ENG: variants seen among roughly 807,000 people sequenced by gnomAD.
The protein encoded by ENG is endoglin.
ENG carries 17 observed loss-of-function variants against 71.0 expected under a neutral mutation model. That is an observed-to-expected ratio of 0.24 (90% CI 0.16 to 0.36). The LOEUF is 0.36. ENG is among the 10% of genes least tolerant of loss of function. The pLI, the probability that ENG is intolerant of heterozygous loss-of-function variation, is 1.00. For synonymous variants in ENG, 360 were observed against 366.9 expected, an observed-to-expected ratio of 0.98 and a Z score of 0.21; for missense variants, 749 against 868.3, an observed-to-expected ratio of 0.86 and a Z score of 1.73.
Position 127,815,311 on chromosome 9 carries a change from CCTGGCTGGG to C in ENG, c.*362_*370del. 4.3e-6 allele frequency: 1 copy of C among 231,678 alleles called. No individual in the cohort carries two copies. The highest frequency in any genetic ancestry group is 8.5e-6 in the Non-Finnish European group (1 of 118,086). 14.4% of individuals were successfully genotyped at this position (231,678 alleles called of 1,614,324 possible). On this transcript the variant is annotated 3_prime_UTR_variant, in exon 15 of 15. Transcript: ENST00000373203. ...CTTCCCAGCGGGGAGGTGCTGTTGG[CCTGGCTGGG>C]CTGGCCTGAATCTGTTTCAAGTTCT...
chr9:127,854,104 C>A (rs550349956), intron 1 of ENG, among the ~76,000 whole-genome samples, 185 bp downstream of exon 1: 41 of 152,218 alleles, frequency 2.7e-4, no homozygotes, highest in Non-Finnish European at 7.3e-5. Flanking sequence ...GGCTTTCTTT[C>A]AACACTGAAA....
intron 1 of ENG, among the ~76,000 whole-genome samples, chr9:127,853,312 CCA>C (rs1425584576): frequency 1.3e-5 from 2 of 152,122 alleles, no homozygotes; most frequent in Non-Finnish European, 2.9e-5. Flanking sequence ...CCCTTCCTCC[CCA>C]CACTCTCAGC....
At position 127,841,464 on chromosome 9, in the gene ENG, C is replaced by T. The variant is rs1017309730; in HGVS notation, c.219+1630G>A. On this transcript the variant is annotated intron_variant, in intron 2 of 14. Coordinates refer to ENST00000373203, the MANE Select transcript of ENG (RefSeq NM_001114753.3). ...AACAATGCGAACTAACAGAGGCAGT[C>T]GTATTTTGAATATCATTACCAAATT... Among the ~76,000 whole-genome samples, 11 of 151,608 alleles carry T rather than the reference C, an allele frequency of 7.3e-5. No homozygotes were observed. In the East Asian group the frequency reaches 2.1e-3, roughly 29 times the overall value.
intron 2 of ENG, among the ~76,000 whole-genome samples, chr9:127,834,249 A>G (rs1331781155): frequency 7.6e-6 from 1 of 131,282 alleles, no homozygotes; most frequent in African/African-American, 2.9e-5. Context: ...ATTTTTGTAT[A>G]TATATATTTT....
chr9:127,831,572 G>C (rs187756718), intron 2 of ENG, among the ~76,000 whole-genome samples: 9 of 151,670 alleles, frequency 5.9e-5, no homozygotes, highest in Admixed American at 2.6e-4. Context: ...ATTTTTAGTA[G>C]AGACGGGGTT....
intron 2 of ENG, among the ~76,000 whole-genome samples, chr9:127,835,820 AG>A (rs1178395929): frequency 6.6e-6 from 1 of 152,144 alleles, no homozygotes; most frequent in Admixed American, 6.5e-5. Flanking sequence ...GCTGTCTGTG[AG>A]GGGTGACGAG....
chr9:127,845,860 C>A (rs905587083), intron 1 of ENG, among the ~76,000 whole-genome samples: 1 of 152,134 alleles, frequency 6.6e-6, no homozygotes, highest in African/African-American at 2.4e-5. Context: ...TTGTGCGCCA[C>A]CACGCCTGGC....
In ENG at chr9:127,815,809, G is replaced by A; in HGVS notation, c.1853-3C>T. ...GGGCTCCCGCTTGCTGGGGGAACCTGGGAGCGGGAGCGGGGGCAGGGGCGG... is the reference window on the plus strand; with the variant it reads ...GGGCTCCCGCTTGCTGGGGGAACCTAGGAGCGGGAGCGGGGGCAGGGGCGG... On this transcript the variant is annotated splice_region_variant and splice_polypyrimidine_tract_variant and intron_variant, in intron 14 of 14. Coordinates refer to ENST00000373203, the MANE Select transcript of ENG (RefSeq NM_001114753.3). 2 of 1,546,202 alleles carry A rather than the reference G, an allele frequency of 1.3e-6. No homozygotes were observed. Among genetic ancestry groups the A allele is most frequent in the Non-Finnish European group, 1.7e-6 (2 of 1,146,268 alleles).
intron 11 of ENG, 145 bp downstream of exon 11, chr9:127,818,569 TTC>T: frequency 1.5e-6 from 2 of 1,367,598 alleles, no homozygotes; most frequent in Non-Finnish European, 2.1e-6. Flanking sequence ...GAGCAATGCC[TTC>T]TCTGTCTCTC....
intron 8 of ENG, 106 bp downstream of exon 8, chr9:127,824,198 G>T (rs778191568): frequency 1.3e-6 from 2 of 1,517,426 alleles, no homozygotes; most frequent in Non-Finnish European, 1.8e-6. Context: ...CTTGCAGAGG[G>T]ACGTGACTTG....
intron 8 of ENG, among the ~76,000 whole-genome samples, chr9:127,823,600 G>A (rs950326129): frequency 2.6e-5 from 4 of 151,266 alleles, no homozygotes; most frequent in African/African-American, 9.7e-5. Flanking sequence ...GTGTTAGCCA[G>A]GATGGTCTCG....
intron 2 of ENG, among the ~76,000 whole-genome samples, chr9:127,833,776 G>A (rs988614028): frequency 5.3e-5 from 8 of 152,256 alleles, no homozygotes; most frequent in Admixed American, 2.0e-4. Flanking sequence ...CCCAACTGAC[G>A]TCACAAAGCC....
At chr9:127,852,542 G>A (rs991008938) in intron 1 of ENG, among the ~76,000 whole-genome samples, 3 of 152,162 alleles carry the variant, frequency 2.0e-5, no homozygotes, top group Admixed American at 6.5e-5. Flanking sequence ...AGACGGATAC[G>A]TTTCCAGGAG....
At chr9:127,817,020 C>G in intron 13 of ENG, 129 bp downstream of exon 13, 2 of 1,074,502 alleles carry the variant, frequency 1.9e-6, no homozygotes, top group Non-Finnish European at 2.8e-6. Context: ...CCTGCCCCTT[C>G]TGGGCCGCTT....
At chr9:127,823,862 G>C (rs1830534367) in intron 8 of ENG, among the ~76,000 whole-genome samples, 1 of 151,228 alleles carries the variant, frequency 6.6e-6, no homozygotes, top group Non-Finnish European at 1.5e-5. Context: ...TTGTATTTTA[G>C]TAAAGACAGG....
Position 127,818,238 on chromosome 9 carries a change from C to T in ENG, c.1568G>A (p.Ser523Asn), listed in dbSNP as rs766445175. 1.2e-6 allele frequency: 2 copies of T among 1,614,202 alleles called. No homozygotes were observed. The highest frequency in any genetic ancestry group is 1.7e-6 in the Non-Finnish European group (2 of 1,180,028). The change falls in exon 12 of 15, where the codon AGC becomes AAC. Residue 523 changes from serine to asparagine, a missense_variant. Transcript: ENST00000373203. ...GCTGAAGCGCGGGTCACCCTCGGGG[C>T]TTGGGGACAGCAGGCTCACACAGTT... is the stretch of plus-strand genomic sequence containing the variant. Reference protein sequence around the residue: ...KGNCVSLLSPSPEGDPRFSFL... With the variant: ...KGNCVSLLSPNPEGDPRFSFL...
At position 127,820,689 on chromosome 9, in the gene ENG, C is replaced by T. The variant is rs575840910; in HGVS notation, c.1135-652G>A. On this transcript the variant is annotated intron_variant, in intron 8 of 14. Transcript: ENST00000373203. ...TAAAAATACAAAAAAATTAGCCGGG[C>T]GTGGTGGCGGGCTCCCGTAGTCCCA... Among the ~76,000 whole-genome samples the T allele has an allele frequency of 1.2e-4, 18 of 151,170 alleles. No individual in the cohort carries two copies. In the East Asian group the frequency reaches 3.4e-3, roughly 28 times the overall value.
At chr9:127,817,309 C>G (rs1830348497) in intron 12 of ENG, 106 bp from the exon 13 acceptor site, 1 of 1,126,980 alleles carries the variant, frequency 8.9e-7, no homozygotes, top group African/African-American at 1.5e-5. Flanking sequence ...GGCTTTGAAT[C>G]CCATCTCCAC....
At chr9:127,817,924 AC>A in intron 12 of ENG, 195 bp downstream of exon 12, 3 of 735,830 alleles carry the variant, frequency 4.1e-6, no homozygotes, top group Non-Finnish European at 6.6e-6. Context: ...AGTGCCCCAG[AC>A]ACAGCAGTCC....
Sources: allele counts gnomAD v4.1 joint callset (sites outside exome capture counted in the v4.1 genomes callset), GRCh38; gene constraint gnomAD v4.1.1; transcripts MANE v1.5; gene names NCBI Gene and HGNC (gene_info 2026-07-23, HGNC 2026-07-21).